The following NLGN1 variants were observed in gnomAD, a reference collection of about 807,000 sequenced individuals.
NLGN1 encodes neuroligin-1.
A neutral mutation model predicts 65.5 loss-of-function variants in NLGN1; 12 were observed. That is an observed-to-expected ratio of 0.18 (90% confidence interval 0.12 to 0.30). The LOEUF (loss-of-function observed/expected upper bound fraction) is 0.30. NLGN1 is among the 10% of genes least tolerant of loss of function. The pLI is 1.00. For synonymous variants in NLGN1, 350 were observed against 359.5 expected (o/e 0.97, Z 0.30); for missense variants, 750 against 1,007.1 (o/e 0.74, Z 3.46).
At chr3:174,273,276 C>CTT (rs1179466702) in intron 4 of NLGN1, among the ~76,000 whole-genome samples, 1 of 140,626 alleles carries the variant, frequency 7.1e-6, no homozygotes, top group African/African-American at 2.7e-5. Flanking sequence ...GTATTATGTT[C>CTT]TTATTCTTTC....
At chr3:173,490,036 G>A (rs1263087094) in intron 2 of NLGN1, among the ~76,000 whole-genome samples, 1 of 152,128 alleles carries the variant, frequency 6.6e-6, no homozygotes, top group Non-Finnish European at 1.5e-5. Context: ...TCTGTAGGTT[G>A]CCTGTTCACT....
intron 4 of NLGN1, among the ~76,000 whole-genome samples, chr3:174,008,936 T>C (rs291930): frequency 0.94 from 142,978 of 152,222 alleles, 67,199 homozygotes; most frequent in East Asian, 0.98. Context: ...TGTACTATAT[T>C]CTGTGTTTGA....
At chr3:173,671,577 C>T (rs1046205028) in intron 3 of NLGN1, among the ~76,000 whole-genome samples, 12 of 152,182 alleles carry the variant, frequency 7.9e-5, no homozygotes, top group African/African-American at 2.9e-4. Context: ...CTTTTACTTG[C>T]AACAATACTT....
intron 2 of NLGN1, among the ~76,000 whole-genome samples, chr3:173,498,464 T>G (rs1191816890): frequency 2.6e-5 from 4 of 151,858 alleles, no homozygotes; most frequent in Admixed American, 1.3e-4. Flanking sequence ...TGTTGGACAT[T>G]TGGGTTGGTT....
Position 173,649,647 on chromosome 3 carries a change from C to T in NLGN1, c.493+44556C>T, listed in dbSNP as rs909910093. Among the ~76,000 whole-genome samples, 6 of 152,082 alleles carry T rather than the reference C, an allele frequency of 3.9e-5. No individual in the cohort carries two copies. In the East Asian group the frequency reaches 5.8e-4, roughly 15 times the overall value. On this transcript the variant is annotated intron_variant, in intron 3 of 6. Coordinates refer to ENST00000457714, the Ensembl canonical transcript of NLGN1. The stretch of plus-strand genomic sequence containing the variant: ...TAATAAAGTTAAAATAGGTACTTAT[C>T]GTTCTATCTCACAACACACAGGCAA...
intron 2 of NLGN1, among the ~76,000 whole-genome samples, chr3:173,489,786 G>A (rs1728798259): frequency 6.6e-6 from 1 of 151,796 alleles, no homozygotes; most frequent in African/African-American, 2.4e-5. Context: ...TCTAACTGGT[G>A]TGAGATGGTA....
At chr3:173,479,993 A>G (rs1008685962) in intron 2 of NLGN1, among the ~76,000 whole-genome samples, 1 of 152,142 alleles carries the variant, frequency 6.6e-6, no homozygotes, top group Non-Finnish European at 1.5e-5. Context: ...AGAACCAGAA[A>G]GAAAGCTGGC....
intron 2 of NLGN1, among the ~76,000 whole-genome samples, chr3:173,591,800 G>A (rs1197719706): frequency 1.3e-5 from 2 of 152,166 alleles, no homozygotes; most frequent in Admixed American, 1.3e-4. Flanking sequence ...AGTTGAGACT[G>A]TAGCACTCTT....
intron 3 of NLGN1, among the ~76,000 whole-genome samples, chr3:173,785,448 A>G (rs1781800965): frequency 6.6e-6 from 1 of 152,154 alleles, no homozygotes; most frequent in Non-Finnish European, 1.5e-5. Context: ...TTCTTCTCCC[A>G]GCCTTAGTTT....
chr3:173,860,421 A>T (rs916657988), intron 4 of NLGN1, among the ~76,000 whole-genome samples: 1 of 152,022 alleles, frequency 6.6e-6, no homozygotes, highest in Non-Finnish European at 1.5e-5. Flanking sequence ...TAGACTGTAG[A>T]CTATCAATTA....
chr3:173,998,542 TATG>T (rs1029852634), intron 4 of NLGN1, among the ~76,000 whole-genome samples: 1 of 152,206 alleles, frequency 6.6e-6, no homozygotes, highest in Non-Finnish European at 1.5e-5. Flanking sequence ...AAGCCCAAAT[TATG>T]ATACTTTCAT....
chr3:173,642,622 A>G (rs1486638489), intron 3 of NLGN1, among the ~76,000 whole-genome samples: 1 of 152,214 alleles, frequency 6.6e-6, no homozygotes, highest in East Asian at 1.9e-4. Flanking sequence ...CTTGGTGGAA[A>G]GTAATTAACC....
intron 3 of NLGN1, among the ~76,000 whole-genome samples, chr3:173,706,940 C>G (rs536731654): frequency 1.1e-4 from 17 of 152,336 alleles, no homozygotes; most frequent in Non-Finnish European, 2.2e-4. Flanking sequence ...TCCTGAGAAG[C>G]TGAGCTCTGA....
intron 3 of NLGN1, among the ~76,000 whole-genome samples, chr3:173,759,520 CTG>C (rs1041033509): frequency 1.3e-5 from 2 of 151,916 alleles, no homozygotes; most frequent in African/African-American, 4.8e-5. Flanking sequence ...TCTTAAAAAT[CTG>C]TGACAGCTAT....
intron 4 of NLGN1, among the ~76,000 whole-genome samples, chr3:174,242,106 G>T (rs1742985334): frequency 6.6e-6 from 1 of 152,154 alleles, no homozygotes; most frequent in Non-Finnish European, 1.5e-5. Context: ...TTCAAATTAA[G>T]ACCCTACTAC....
At chr3:173,785,920 T>C (rs1403460072) in intron 3 of NLGN1, among the ~76,000 whole-genome samples, 3 of 152,176 alleles carry the variant, frequency 2.0e-5, no homozygotes, top group African/African-American at 7.2e-5. Flanking sequence ...TACATATATG[T>C]ACAACTTTTC....
chr3:174,112,709 A>G (rs1228092992), intron 4 of NLGN1, among the ~76,000 whole-genome samples: 1 of 151,982 alleles, frequency 6.6e-6, no homozygotes, highest in Non-Finnish European at 1.5e-5. Context: ...GATTAAATTG[A>G]TTTAGAAGTC....
chr3:173,966,468 A>C (rs1024626122), intron 4 of NLGN1, among the ~76,000 whole-genome samples: 2 of 152,238 alleles, frequency 1.3e-5, no homozygotes, highest in East Asian at 3.8e-4. Context: ...ACAATAAACT[A>C]AGAAAGTACA....
chr3:174,160,510 A>G (rs544757300), intron 4 of NLGN1, among the ~76,000 whole-genome samples: 104 of 151,760 alleles, frequency 6.9e-4, no homozygotes, highest in African/African-American at 2.4e-3. Context: ...TCTTTCCACA[A>G]GAGCTTTTCT....
Sources: allele counts gnomAD v4.1 joint callset (sites outside exome capture counted in the v4.1 genomes callset), GRCh38; gene constraint gnomAD v4.1.1; transcripts MANE v1.5; gene names NCBI Gene and HGNC (gene_info 2026-07-23, HGNC 2026-07-21).